Variants in EIF4E2 observed in about 807,000 individuals in gnomAD.
EIF4E2 encodes eukaryotic translation initiation factor 4E type 2.
In EIF4E2, 13 loss-of-function variants were observed where a neutral mutation model predicts 34.2. The ratio of observed to expected loss-of-function variants is 0.38; its 90% CI spans 0.25 to 0.60. The LOEUF (loss-of-function observed/expected upper bound fraction) is 0.60, where lower values mean the gene tolerates loss of function less well. Ranked by LOEUF, EIF4E2 falls within the 20% of genes least tolerant of loss-of-function variation. The probability of loss-of-function intolerance (pLI) is 0.62; values close to 1 mark genes in which losing one functional copy is unlikely to be tolerated. For missense variants in EIF4E2, 222 were observed against 315.1 expected (o/e 0.70, Z 2.24); for synonymous variants, 100 against 106.6 (o/e 0.94, Z 0.38).
At chr2:232,572,737 A>T (rs980057320), downstream of EIF4E2, among the ~76,000 whole-genome samples, 1 of 152,164 alleles carries the variant, frequency 6.6e-6, no homozygotes, top group African/African-American at 2.4e-5. Context: ...AGAAACTGGG[A>T]GGGGAATGTA....
chr2:232,580,870 G>A (rs1312658920), intron 6 of EIF4E2: 3 of 1,532,346 alleles, frequency 2.0e-6, no homozygotes, highest in Non-Finnish European at 2.6e-6. Flanking sequence ...TCCTTGTATT[G>A]AACACTCTAT....
chr2:232,551,512 G>C (rs971496748), intron 1 of EIF4E2, among the ~76,000 whole-genome samples: 1 of 152,160 alleles, frequency 6.6e-6, no homozygotes, highest in African/African-American at 2.4e-5. Flanking sequence ...TAAATCGACT[G>C]TCTCTTCATC....
intron 3 of EIF4E2, 56 bp from the exon 4 acceptor site, chr2:232,564,191 C>A: frequency 8.7e-7 from 1 of 1,152,182 alleles, no homozygotes; most frequent in Non-Finnish European, 1.3e-6. Context: ...CCTTGGGATG[C>A]ATTCAAAGAA....
chr2:232,569,123 T>A lies in EIF4E2; in HGVS notation c.*106T>A. 6.6e-7 allele frequency: 1 copy of A among 1,521,810 alleles called. No homozygotes were observed. Among genetic ancestry groups the A allele is most frequent in the Non-Finnish European group, 8.8e-7 (1 of 1,132,786 alleles). 94.3% of individuals were successfully genotyped at this position (1,521,810 alleles called of 1,614,324 possible). On this transcript the variant is annotated 3_prime_UTR_variant, in exon 7 of 7. Transcript: ENST00000258416. ...ATCCTTCTGTCCTGGACAAGAGGAATTGGAAGAGCATTTTATGTTTTAAGA... is the reference window on the plus strand; with the variant it reads ...ATCCTTCTGTCCTGGACAAGAGGAAATGGAAGAGCATTTTATGTTTTAAGA...
downstream of EIF4E2, chr2:232,569,735 C>G (rs1399986478): frequency 6.6e-6 from 1 of 152,292 alleles, no homozygotes; most frequent in Non-Finnish European, 1.5e-5. Context: ...TCTGCTTTCC[C>G]TTTAGAGCCA....
At chr2:232,568,070 AT>A (rs1224863211) in intron 6 of EIF4E2, 3 of 985,198 alleles carry the variant, frequency 3.0e-6, no homozygotes, top group Admixed American at 6.2e-5. Flanking sequence ...TAACAAGGCT[AT>A]TGTGAGGCTG....
intron 6 of EIF4E2, chr2:232,567,955 G>T: frequency 1.0e-6 from 1 of 976,502 alleles, no homozygotes; most frequent in Non-Finnish European, 1.2e-6. Flanking sequence ...GGACTCTTAG[G>T]TTTAGTTCTC....
At chr2:232,572,396 C>T (rs1177081260), downstream of EIF4E2, among the ~76,000 whole-genome samples, 1 of 152,164 alleles carries the variant, frequency 6.6e-6, no homozygotes, top group African/African-American at 2.4e-5. Flanking sequence ...GATGGAGTCT[C>T]ACTCTGTCAC....
At chr2:232,573,720 C>CA (rs772500739), downstream of EIF4E2, 18 of 203,538 alleles carry the variant, frequency 8.8e-5, no homozygotes, top group East Asian at 8.7e-4. Context: ...TGGAACCTGA[C>CA]ACATTGAAGG....
intron 1 of EIF4E2, 108 bp downstream of exon 1, chr2:232,550,852 T>C: frequency 8.7e-7 from 1 of 1,150,098 alleles, no homozygotes; most frequent in Non-Finnish European, 1.2e-6. Flanking sequence ...GCTTCCCTGC[T>C]GGGATCCGGC....
chr2:232,580,642 A>G (rs977537071), intron 6 of EIF4E2, among the ~76,000 whole-genome samples: 5 of 152,212 alleles, frequency 3.3e-5, no homozygotes, highest in Admixed American at 1.3e-4. Flanking sequence ...GTGCCCTAGC[A>G]TTAATATTTA....
chr2:232,576,654 A>G (rs1693229555), intron 6 of EIF4E2, among the ~76,000 whole-genome samples: 1 of 152,210 alleles, frequency 6.6e-6, no homozygotes, highest in South Asian at 2.1e-4. Flanking sequence ...TTACACAGCA[A>G]CAACAAAAAA....
At chr2:232,551,542 T>C (rs550739754) in intron 1 of EIF4E2, among the ~76,000 whole-genome samples, 1 of 152,288 alleles carries the variant, frequency 6.6e-6, no homozygotes, top group East Asian at 1.9e-4. Flanking sequence ...GGATTTCTAG[T>C]CCCAGATTCA....
chr2:232,576,242 T>A (rs7585327), intron 6 of EIF4E2, among the ~76,000 whole-genome samples: 77,733 of 151,932 alleles, frequency 0.51, 22,502 homozygotes, highest in East Asian at 0.7. Context: ...AATGTGATTT[T>A]AAAAGGTTTT....
intron 6 of EIF4E2, among the ~76,000 whole-genome samples, chr2:232,576,132 A>G (rs1009966032): frequency 1.3e-5 from 2 of 152,018 alleles, no homozygotes; most frequent in African/African-American, 4.8e-5. Context: ...TGAACTCAGG[A>G]GGCGGAGGTT....
intron 3 of EIF4E2, among the ~76,000 whole-genome samples, chr2:232,562,217 A>G (rs1476957819): frequency 7.4e-5 from 10 of 135,774 alleles, no homozygotes; most frequent in Non-Finnish European, 1.6e-4. Flanking sequence ...CCCATCTCAA[A>G]TGATGAATGA....
chr2:232,582,977 C>G (rs914355419), exon 7 of EIF4E2: 11 of 152,170 alleles, frequency 7.2e-5, no homozygotes, highest in African/African-American at 2.7e-4. Flanking sequence ...CATCTTACGC[C>G]CAGTGTTCTC....
In EIF4E2 at chr2:232,566,493, A is replaced by G. The variant is rs142399281; in HGVS notation, c.376-336A>G. Reference sequence around the variant, plus strand: ...GCGTGAGCCACTGCGCCCAGCAGACATTCAGTACTTTTAGCAAGTAAACGG... The same window carrying G: ...GCGTGAGCCACTGCGCCCAGCAGACGTTCAGTACTTTTAGCAAGTAAACGG... On this transcript the variant is annotated intron_variant, in intron 4 of 6. Transcript: ENST00000258416. This position sits in a 1 kb window ranked among gnomAD's most constrained non-coding sequence, Gnocchi z 4.9. Among the ~76,000 whole-genome samples, 443 of 152,372 alleles carry G rather than the reference A, an allele frequency of 2.9e-3. 2 individuals are homozygous for G. Among genetic ancestry groups the G allele is most frequent in the African/African-American group, 9.8e-3 (407 of 41,592 alleles).
In EIF4E2 at chr2:232,557,956, G is replaced by A. The variant is rs754375724; in HGVS notation, c.208G>A (p.Gly70Ser). 2.2e-5 allele frequency: 35 copies of A among 1,614,064 alleles called. No individual in the cohort carries two copies. The highest frequency in any genetic ancestry group is 5.0e-5 in the Admixed American group (3 of 60,004). ...TTTTTGGTACTCCAGGAGAACCCCC[G>A]GCCGTCCCACGAGCTCACAGAGCTA... ...YTFWYSRRTPGRPTSSQSYEQ... is the reference protein window; with the variant it reads ...YTFWYSRRTPSRPTSSQSYEQ... Residue 70 changes from glycine to serine, a missense_variant, in exon 3 of 7, where the codon GGC becomes AGC. Gly to Ser is a moderately conservative substitution (Grantham distance 56). Around this residue, in one of 3 missense-constraint regions of EIF4E2, gnomAD observed 87 missense variants for 93.6 expected, o/e 0.93. Coordinates refer to ENST00000258416, the MANE Select transcript of EIF4E2 (RefSeq NM_004846.4).
Sources: allele counts gnomAD v4.1 joint callset (sites outside exome capture counted in the v4.1 genomes callset), GRCh38; gene constraint gnomAD v4.1.1; regional missense constraint gnomAD v4.1.1; non-coding constraint Gnocchi (gnomAD v3.1); transcripts MANE v1.5; gene names NCBI Gene and HGNC (gene_info 2026-07-23, HGNC 2026-07-21).